The following WWTR1 variants were observed in gnomAD, a reference collection of about 807,000 sequenced individuals.
The protein encoded by WWTR1 is WW domain containing transcription regulator 1, also known as WW domain-containing transcription regulator protein 1.
WWTR1 carries 13 observed loss-of-function variants against 40.1 expected under a neutral mutation model. The observed-to-expected ratio is 0.32, with a 90% CI of 0.21 to 0.52. The LOEUF (loss-of-function observed/expected upper bound fraction) is 0.52. Among genes scored for constraint, WWTR1 ranks in the 20% least tolerant of loss-of-function variants. The pLI, the probability that WWTR1 is intolerant of heterozygous loss-of-function variation, is 0.97. For synonymous variants in WWTR1, 230 were observed against 210.1 expected (o/e 1.09, Z -0.82); for missense variants, 436 against 523.1 (o/e 0.83, Z 1.63).
intron 4 of WWTR1, among the ~76,000 whole-genome samples, chr3:149,531,836 C>A (rs1459957351): frequency 6.6e-6 from 1 of 152,176 alleles, no homozygotes; most frequent in African/African-American, 2.4e-5. Context: ...CACTCCTGTA[C>A]CCAACTACCT....
intron 4 of WWTR1, among the ~76,000 whole-genome samples, chr3:149,534,262 G>A (rs1735724403): frequency 6.6e-6 from 1 of 152,162 alleles, no homozygotes. Context: ...TTTTACAGAT[G>A]AGGAAACTGA....
intron 2 of WWTR1, among the ~76,000 whole-genome samples, chr3:149,628,075 A>G (rs976396495): frequency 1.3e-4 from 18 of 136,646 alleles, no homozygotes; most frequent in African/African-American, 1.8e-4. Context: ...CTCCGTCTCG[A>G]AAAAAAAAAA....
At chr3:149,601,551 T>C (rs894390117) in intron 2 of WWTR1, among the ~76,000 whole-genome samples, 16 of 152,084 alleles carry the variant, frequency 1.1e-4, no homozygotes, top group African/African-American at 3.9e-4. Flanking sequence ...CATGACCATT[T>C]CTCCTTTTCT....
In WWTR1 at chr3:149,519,370, A is replaced by G. The variant is rs1410483574; in HGVS notation, c.*1435T>C. 6.6e-6 allele frequency: 1 copy of G among 152,178 alleles called. No homozygotes were observed. The highest frequency in any genetic ancestry group is 1.5e-5 in the Non-Finnish European group (1 of 68,028). 9.4% of individuals were successfully genotyped at this position (152,178 alleles called of 1,614,324 possible). A position where few individuals can be genotyped will look rare whatever the true frequency, so the allele number is the denominator to read the frequency against. On this transcript the variant is annotated 3_prime_UTR_variant, in exon 7 of 7. Coordinates refer to ENST00000360632, the MANE Select transcript of WWTR1 (RefSeq NM_015472.6). ...ATTTATCTCCACCATACACCCTCAA[A>G]GGGCATTTTTTTTTACATGTCAGTC...
chr3:149,678,055 G>A (rs111653584), intron 1 of WWTR1, among the ~76,000 whole-genome samples: 6,506 of 152,006 alleles, frequency 0.043, 284 homozygotes, highest in East Asian at 0.12. Context: ...ACAGGCGGGG[G>A]CCACCACACC....
intron 1 of WWTR1, among the ~76,000 whole-genome samples, chr3:149,690,203 A>G (rs1281591946): frequency 6.6e-6 from 1 of 152,096 alleles, no homozygotes; most frequent in African/African-American, 2.4e-5. Flanking sequence ...AGGAAGACAG[A>G]AAAGAAGGAA....
intron 3 of WWTR1, among the ~76,000 whole-genome samples, chr3:149,572,516 G>A (rs555127194): frequency 6.6e-6 from 1 of 152,164 alleles, no homozygotes; most frequent in South Asian, 2.1e-4. Flanking sequence ...ATGAGTTGGT[G>A]GTAAAGAGAC....
chr3:149,586,261 C>CT lies in WWTR1; in HGVS notation c.432-13262dup, dbSNP rs369289734. 8.2e-3 allele frequency among the ~76,000 whole-genome samples: 1,209 copies of CT among 147,412 alleles called. 10 individuals carry two copies. Among genetic ancestry groups the CT allele is most frequent in the African/African-American group, 0.026 (1,068 of 40,668 alleles). ...GCACGGCCATCTACTGATTCACCAACTTTTTTTTTTTTATTTAAGTTAGTA... is the reference window on the plus strand; with the variant it reads ...GCACGGCCATCTACTGATTCACCAACTTTTTTTTTTTTTATTTAAGTTAGTA... On this transcript the variant is annotated intron_variant, in intron 2 of 6. Transcript: ENST00000360632.
At chr3:149,560,182 A>G (rs977020710) in intron 3 of WWTR1, among the ~76,000 whole-genome samples, 2 of 152,222 alleles carry the variant, frequency 1.3e-5, no homozygotes. Flanking sequence ...CAGTGAATGC[A>G]AACATATGAA....
chr3:149,520,628 CTT>C lies in WWTR1; in HGVS notation c.*175_*176del, dbSNP rs1734997790. On this transcript the variant is annotated 3_prime_UTR_variant, in exon 7 of 7. Transcript: ENST00000360632. ...AAATAGAATATTTATTTATGTTTAA[CTT>C]AAGTTACTCTCAATCAAAACCAGGC... is the stretch of plus-strand genomic sequence containing the variant. 4.1e-6 allele frequency: 2 copies of C among 483,484 alleles called. No individual in the cohort carries two copies. Among genetic ancestry groups the C allele is most frequent in the Non-Finnish European group, 7.0e-6 (2 of 284,066 alleles). The allele number at this position is 483,484 out of a possible 1,614,324, so 29.9% of individuals were successfully genotyped here.
At chr3:149,654,775 C>A (rs967949495) in intron 2 of WWTR1, among the ~76,000 whole-genome samples, 2 of 152,162 alleles carry the variant, frequency 1.3e-5, no homozygotes, top group African/African-American at 4.8e-5. Flanking sequence ...CACAGTTATA[C>A]TGATCATATA....
In WWTR1 at chr3:149,527,880, G is replaced by C; in HGVS notation, c.861C>G (p.Asp287Glu). 4 of 1,614,150 alleles carry C rather than the reference G, an allele frequency of 2.5e-6. No homozygotes were observed. The highest frequency in any genetic ancestry group is 3.4e-6 in the Non-Finnish European group (4 of 1,180,014). The change falls in exon 5 of 7, where the codon GAC (aspartate) becomes GAG (glutamate). Residue 287 changes from aspartate to glutamate, a missense_variant. Asp to Glu is a conservative substitution (Grantham distance 45). Transcript: ENST00000360632. ...AAVNPPTMTP[D>E]MRSITNNSSD... ...AGCTATTATTAGTGATGGATCTCAT[G>C]TCTGGGGTCATCGTGGGTGGGTTGA...
At chr3:149,597,496 C>A (rs909859215) in intron 2 of WWTR1, among the ~76,000 whole-genome samples, 1 of 151,008 alleles carries the variant, frequency 6.6e-6, no homozygotes, top group Admixed American at 6.6e-5. Flanking sequence ...GAAAAATTAT[C>A]TATCTAGGCG....
chr3:149,721,899 A>G (rs991711834), intron 4 of WWTR1, among the ~76,000 whole-genome samples: 5 of 152,144 alleles, frequency 3.3e-5, no homozygotes, highest in African/African-American at 1.2e-4. Context: ...ACTGTCTTTT[A>G]TAAGAGATTC....
At chr3:149,623,271 G>A (rs1312701199) in intron 2 of WWTR1, among the ~76,000 whole-genome samples, 1 of 152,188 alleles carries the variant, frequency 6.6e-6, no homozygotes, top group Admixed American at 6.5e-5. Flanking sequence ...GCTGAGGCAG[G>A]AGAATCACTT....
At chr3:149,643,924 T>C (rs932893002) in intron 2 of WWTR1, among the ~76,000 whole-genome samples, 1 of 152,172 alleles carries the variant, frequency 6.6e-6, no homozygotes. Flanking sequence ...TCTCTCCATC[T>C]CTTTACAGGG....
Position 149,520,745 on chromosome 3 carries a change from T to C in WWTR1, c.*60A>G. ...TGCAGACTTGCTCTGCTCCATCACT[T>C]TTTCCAAGAGGCCCAGGAAATGTAA... On this transcript the variant is annotated 3_prime_UTR_variant, in exon 7 of 7. Transcript: ENST00000360632. 6.9e-7 allele frequency: 1 copy of C among 1,444,768 alleles called. No individual in the cohort carries two copies. The highest frequency in any genetic ancestry group is 9.1e-7 in the Non-Finnish European group (1 of 1,095,400). 89.5% of individuals were successfully genotyped at this position (1,444,768 alleles called of 1,614,324 possible).
At chr3:149,657,466 G>C in intron 1 of WWTR1, 157 bp from the exon 2 acceptor site, 1 of 860,814 alleles carries the variant, frequency 1.2e-6, no homozygotes, top group Non-Finnish European at 1.7e-6. Context: ...GACACTCAGC[G>C]GTAAGACCAG....
upstream of WWTR1, among the ~76,000 whole-genome samples, chr3:149,659,063 G>C (rs1388360158): frequency 2.0e-5 from 3 of 152,026 alleles, no homozygotes; most frequent in African/African-American, 7.2e-5. Context: ...ACAGCTGCGG[G>C]AAGTAGGAGG....
Sources: allele counts gnomAD v4.1 joint callset (sites outside exome capture counted in the v4.1 genomes callset), GRCh38; gene constraint gnomAD v4.1.1; transcripts MANE v1.5; gene names NCBI Gene and HGNC (gene_info 2026-07-23, HGNC 2026-07-21).